The following IKZF2 variants were observed in gnomAD, a reference collection of about 807,000 sequenced individuals.
The protein encoded by IKZF2 is IKAROS family zinc finger 2.
Under a neutral mutation model 49.2 loss-of-function variants are expected in IKZF2, and 15 were observed. The observed-to-expected ratio is 0.30, with a 90% CI of 0.20 to 0.47. IKZF2 has a LOEUF of 0.47. IKZF2 is among the 20% of genes least tolerant of loss of function. The pLI, the probability that IKZF2 is intolerant of heterozygous loss-of-function variation, is 1.00. For missense variants in IKZF2, 567 were observed against 664.6 expected (o/e 0.85, Z 1.61); for synonymous variants, 227 against 221.4 (o/e 1.03, Z -0.23).
intron 4 of IKZF2, among the ~76,000 whole-genome samples, chr2:213,126,453 C>T (rs1382027230): frequency 2.0e-5 from 3 of 152,164 alleles, no homozygotes; most frequent in African/African-American, 4.8e-5. Flanking sequence ...ATGAGATTAT[C>T]GTTTTAAGGT....
chr2:213,050,563 A>C (rs148261746), intron 5 of IKZF2, among the ~76,000 whole-genome samples: 1,578 of 152,292 alleles, frequency 0.01, 27 homozygotes, highest in African/African-American at 0.036. Context: ...TCTCCTGGTC[A>C]CTAATAGTAA....
At chr2:213,072,580 T>C (rs1702826193) in intron 4 of IKZF2, among the ~76,000 whole-genome samples, 2 of 152,122 alleles carry the variant, frequency 1.3e-5, no homozygotes, top group East Asian at 3.8e-4. Context: ...TTCTACATAC[T>C]GACTTTAGTT....
chr2:213,086,739 G>A (rs1704655334), intron 4 of IKZF2, among the ~76,000 whole-genome samples: 1 of 152,134 alleles, frequency 6.6e-6, no homozygotes, highest in Non-Finnish European at 1.5e-5. Context: ...AGAATTTTAG[G>A]AATGGGTAAA....
At chr2:213,092,089 A>C (rs1435099115) in intron 4 of IKZF2, among the ~76,000 whole-genome samples, 1 of 152,072 alleles carries the variant, frequency 6.6e-6, no homozygotes, top group African/African-American at 2.4e-5. Context: ...GCAGTAGCAC[A>C]ATCAAGGCTC....
chr2:213,119,119 C>G (rs1021990093), intron 4 of IKZF2, among the ~76,000 whole-genome samples: 1 of 152,150 alleles, frequency 6.6e-6, no homozygotes, highest in African/African-American at 2.4e-5. Flanking sequence ...AGACACGTAT[C>G]AGAATCACGC....
chr2:213,104,666 T>C (rs943579831), intron 4 of IKZF2, among the ~76,000 whole-genome samples: 4 of 152,314 alleles, frequency 2.6e-5, no homozygotes, highest in African/African-American at 9.6e-5. Flanking sequence ...GCAGGGACTC[T>C]GCTTGCTGCC....
intron 4 of IKZF2, among the ~76,000 whole-genome samples, chr2:213,140,020 T>G (rs2060810873): frequency 6.6e-6 from 1 of 151,930 alleles, no homozygotes; most frequent in Non-Finnish European, 1.5e-5. Flanking sequence ...ACCCCAAACC[T>G]ATTTTTTGAG....
intron 6 of IKZF2, among the ~76,000 whole-genome samples, chr2:213,034,278 C>G (rs537407192): frequency 2.0e-5 from 3 of 152,218 alleles, no homozygotes; most frequent in Non-Finnish European, 2.9e-5. Flanking sequence ...TTTCTTATCA[C>G]TTGTGTGTTC....
At chr2:213,084,764 C>T (rs970600833) in intron 4 of IKZF2, among the ~76,000 whole-genome samples, 6 of 152,076 alleles carry the variant, frequency 3.9e-5, no homozygotes, top group African/African-American at 1.2e-4. Flanking sequence ...AACATTAAGC[C>T]TTGTTGAAGT....
chr2:213,106,545 G>C (rs943798643), intron 4 of IKZF2, among the ~76,000 whole-genome samples: 1 of 150,748 alleles, frequency 6.6e-6, no homozygotes, highest in African/African-American at 2.5e-5. Context: ...TGAGGTGAGA[G>C]GATCTCTTGA....
At chr2:213,133,458 C>G (rs796418584) in intron 4 of IKZF2, among the ~76,000 whole-genome samples, 4 of 152,224 alleles carry the variant, frequency 2.6e-5, no homozygotes, top group South Asian at 4.2e-4. Context: ...TGGCCAGGCA[C>G]GGTGGCTCAC....
chr2:213,060,727 G>A (rs1340353258), intron 4 of IKZF2, among the ~76,000 whole-genome samples: 2 of 151,384 alleles, frequency 1.3e-5, no homozygotes, highest in East Asian at 3.9e-4. Flanking sequence ...CAATGAAAAG[G>A]GGATATGAGA....
At chr2:213,053,510 T>C (rs1700867201) in intron 5 of IKZF2, among the ~76,000 whole-genome samples, 1 of 152,162 alleles carries the variant, frequency 6.6e-6, no homozygotes, top group Admixed American at 6.5e-5. Context: ...GCTCCTATGT[T>C]GGGTGGAACA....
At chr2:213,016,315 T>C (rs542563191) in intron 7 of IKZF2, among the ~76,000 whole-genome samples, 19 of 152,240 alleles carry the variant, frequency 1.2e-4, no homozygotes, top group South Asian at 2.1e-4. Flanking sequence ...TAGTAGAGAA[T>C]GTTATTACTA....
At chr2:213,102,302 TCCAG>T (rs2125709367) in intron 4 of IKZF2, among the ~76,000 whole-genome samples, 2 of 152,168 alleles carry the variant, frequency 1.3e-5, no homozygotes, top group East Asian at 3.9e-4. Flanking sequence ...CCAACTTTTA[TCCAG>T]CTGGAGCAAA....
chr2:213,145,410 C>A (rs908855063), intron 4 of IKZF2, among the ~76,000 whole-genome samples: 21 of 151,874 alleles, frequency 1.4e-4, no homozygotes, highest in Admixed American at 1.1e-3. Flanking sequence ...TAAATAAGTT[C>A]TTTTCATTAA....
At chr2:213,031,897 T>A (rs1294763095) in intron 6 of IKZF2, among the ~76,000 whole-genome samples, 1 of 152,198 alleles carries the variant, frequency 6.6e-6, no homozygotes, top group African/African-American at 2.4e-5. Context: ...ATAATCATAA[T>A]AATAAACATT....
In IKZF2 at chr2:213,146,294, A is replaced by C. The variant is rs147542259; in HGVS notation, c.139+1414T>G. ...TTGTAGTCATAGTATATTTTTTATC[A>C]AATCAACTAGCAAAAAACATGAATG... On this transcript the variant is annotated intron_variant, in intron 4 of 8. Coordinates refer to ENST00000434687, the MANE Select transcript of IKZF2 (RefSeq NM_001387220.1). Among the ~76,000 whole-genome samples the C allele has an allele frequency of 7.5e-3, 1,136 of 152,220 alleles. 7 individuals carry two copies. The highest frequency in any genetic ancestry group is 0.031 in the Middle Eastern group (9 of 292).
At chr2:213,137,135 C>CA (rs1044566340) in intron 4 of IKZF2, among the ~76,000 whole-genome samples, 29 of 149,068 alleles carry the variant, frequency 1.9e-4, no homozygotes, top group African/African-American at 5.2e-4. Flanking sequence ...TTTTTATTTC[C>CA]AAAAAAAAAT....
Sources: allele counts gnomAD v4.1 joint callset (sites outside exome capture counted in the v4.1 genomes callset), GRCh38; gene constraint gnomAD v4.1.1; transcripts MANE v1.5; gene names NCBI Gene and HGNC (gene_info 2026-07-23, HGNC 2026-07-21).